Variants in CFH observed in about 807,000 individuals in gnomAD.
CFH encodes complement factor H.
CFH carries 53 observed loss-of-function variants against 147.3 expected under a neutral mutation model. The ratio of observed to expected loss-of-function variants is 0.36; its 90% CI spans 0.29 to 0.45. CFH has a LOEUF of 0.45. CFH is among the 20% of genes least tolerant of loss of function. CFH has a pLI of 1.00. For synonymous variants in CFH, 536 were observed against 489.4 expected, an observed-to-expected ratio of 1.10 and a Z score of -1.26; for missense variants, 1,380 against 1,498.0, an observed-to-expected ratio of 0.92 and a Z score of 1.30.
At chr1:196,676,184 C>T (rs1185930154) in intron 4 of CFH, 119 bp downstream of exon 4, 4 of 619,856 alleles carry the variant, frequency 6.5e-6, no homozygotes, top group Non-Finnish European at 7.7e-6. Context: ...TTTTTTTTCT[C>T]ATACAATGTA....
chr1:196,673,370 C>G (rs991127889), intron 2 of CFH: 1 of 560,930 alleles, frequency 1.8e-6, no homozygotes, highest in Non-Finnish European at 3.1e-6. Flanking sequence ...TGGAGTCTCC[C>G]TCTATCGCCT....
intron 4 of CFH, among the ~76,000 whole-genome samples, chr1:196,676,337 A>C (rs1667451946): frequency 6.6e-6 from 1 of 152,092 alleles, no homozygotes; most frequent in African/African-American, 2.4e-5. Context: ...GATTCTAATG[A>C]CTAGAAACGC....
chr1:196,701,228 C>T (rs1236031487), intron 9 of CFH: 8 of 1,576,034 alleles, frequency 5.1e-6, no homozygotes, highest in Non-Finnish European at 7.0e-6. Flanking sequence ...CTTGTTTGGT[C>T]AGTCACATTC....
In CFH at chr1:196,692,746, T is replaced by TTTC. The variant is rs1668086925; in HGVS notation, c.1336+2509_1336+2510insCTT. On this transcript the variant is annotated intron_variant, in intron 9 of 21. Coordinates refer to ENST00000367429, the MANE Select transcript of CFH (RefSeq NM_000186.4). ...TTTCTTTCTCTTTCCCTTCCTTTCT[T>TTTC]TTTCTTTCTTTCTTTCTTTCTTTCT... is the stretch of plus-strand genomic sequence containing the variant. Among the ~76,000 whole-genome samples, 7 of 41,750 alleles carry TTTC rather than the reference T, an allele frequency of 1.7e-4. No individual in the cohort carries two copies. The Admixed American group carries it at 2.2e-3, about 13-fold the overall frequency. The allele number at this position is 41,750 out of a possible 152,430, so 27.4% of individuals were successfully genotyped here.
At chr1:196,666,210 T>C (rs1191735675) in intron 1 of CFH, among the ~76,000 whole-genome samples, 4 of 152,204 alleles carry the variant, frequency 2.6e-5, no homozygotes, top group South Asian at 2.1e-4. Flanking sequence ...AATACTTTAG[T>C]TGTCACCTTG....
At chr1:196,661,189 T>G (rs1232103884) in intron 1 of CFH, among the ~76,000 whole-genome samples, 1 of 152,206 alleles carries the variant, frequency 6.6e-6, no homozygotes, top group African/African-American at 2.4e-5. Flanking sequence ...ACATATTATA[T>G]GAGTTCACTA....
At chr1:196,662,621 C>T (rs960162481) in intron 1 of CFH, among the ~76,000 whole-genome samples, 1 of 152,128 alleles carries the variant, frequency 6.6e-6, no homozygotes, top group Non-Finnish European at 1.5e-5. Context: ...GTGGCTCACT[C>T]CTGCAATCCC....
rs752196244 is a variant in CFH at position 196,725,179 on chromosome 1, C to T, written c.1755C>T (p.Asp585=). 1 of 1,613,706 alleles carries T rather than the reference C, an allele frequency of 6.2e-7. No homozygotes were observed. The highest frequency in any genetic ancestry group is 8.5e-7 in the Non-Finnish European group (1 of 1,179,798). The part of the protein sequence containing the change: ...DVHLVPDRKK[D]QYKVGEVLKF... ...ACTTAGTTCCTGATCGCAAGAAAGA[C>T]CAGTATAAAGTTGGAGAGGTGTTGA... is the stretch of plus-strand genomic sequence containing the variant. The change falls in exon 12 of 22, where the codon GAC becomes GAT. Residue 585 remains aspartate, a synonymous_variant. Transcript: ENST00000367429.
At chr1:196,681,668 A>G (rs2149083271) in intron 6 of CFH, among the ~76,000 whole-genome samples, 1 of 151,972 alleles carries the variant, frequency 6.6e-6, no homozygotes, top group East Asian at 1.9e-4. Flanking sequence ...CCTTTTCAGA[A>G]GACAGTTCAC....
chr1:196,734,552 T>C (rs1482503067), intron 15 of CFH, among the ~76,000 whole-genome samples: 6 of 152,054 alleles, frequency 3.9e-5, no homozygotes, highest in Admixed American at 3.9e-4. Flanking sequence ...AGTCAAAATA[T>C]ATTGGTCTCT....
At chr1:196,703,816 C>T (rs71631862) in intron 9 of CFH, among the ~76,000 whole-genome samples, 1 of 151,596 alleles carries the variant, frequency 6.6e-6, no homozygotes, top group Non-Finnish European at 1.5e-5. Context: ...AACCCCGTCT[C>T]TGCTAAAAAT....
intron 9 of CFH, among the ~76,000 whole-genome samples, chr1:196,703,029 T>C (rs1668500113): frequency 6.6e-6 from 1 of 152,242 alleles, no homozygotes; most frequent in Non-Finnish European, 1.5e-5. Context: ...CAGAGAAAGT[T>C]ACAAAACGTA....
chr1:196,746,138 T>A, intron 21 of CFH, 139 bp downstream of exon 21: 1 of 1,514,114 alleles, frequency 6.6e-7, no homozygotes, highest in Non-Finnish European at 9.1e-7. Flanking sequence ...TGTCAGAAAG[T>A]AAAGTTTAGA....
At chr1:196,654,082 A>T in intron 1 of CFH, among the ~76,000 whole-genome samples, 1 of 152,244 alleles carries the variant, frequency 6.6e-6, no homozygotes, top group East Asian at 1.9e-4. Context: ...TTTACTTAAC[A>T]GAGTAGCTTT....
chr1:196,744,406 A>G lies in CFH; in HGVS notation c.3310+778A>G, dbSNP rs192326047. ...CTCTGGGTTTCAGTCCTATTTCCCT[A>G]TTCCTCCATTCCCTGTAGGGAAATT... On this transcript the variant is annotated intron_variant, in intron 20 of 21. Transcript: ENST00000367429. Among the ~76,000 whole-genome samples the G allele has an allele frequency of 4.0e-4, 61 of 152,144 alleles. No homozygotes were observed. In the East Asian group the frequency reaches 0.01, roughly 25 times the overall value.
In CFH at chr1:196,652,092, A is replaced by G. The variant is rs368043607; in HGVS notation, c.-26A>G. ...GACGTTGTGAACAGAGTTAGCTGGT[A>G]AATGTCCTCTTAAAAGATCCAAAAA... On this transcript the variant is annotated 5_prime_UTR_variant, in exon 1 of 22. Transcript: ENST00000367429. The G allele has an allele frequency of 4.0e-5, 61 of 1,539,090 alleles. No homozygotes were observed. The highest frequency in any genetic ancestry group is 5.2e-5 in the Non-Finnish European group (58 of 1,111,866).
intron 1 of CFH, among the ~76,000 whole-genome samples, chr1:196,659,240 T>A (rs1227323045): frequency 6.6e-6 from 1 of 152,226 alleles, no homozygotes; most frequent in Non-Finnish European, 1.5e-5. Flanking sequence ...AACATTCGAT[T>A]GTTAGTCAAT....
chr1:196,698,008 G>A (rs1229238626), intron 9 of CFH, among the ~76,000 whole-genome samples: 3 of 115,520 alleles, frequency 2.6e-5, no homozygotes, highest in East Asian at 2.9e-4. Context: ...CTGTTGTGGG[G>A]TGGGGGGAGG....
At chr1:196,726,415 T>G in intron 12 of CFH, 55 bp from the exon 13 acceptor site, 1 of 1,367,300 alleles carries the variant, frequency 7.3e-7, no homozygotes. Flanking sequence ...TTACTGAATT[T>G]TTATATTGTA....
Sources: gnomAD v4.1 joint callset for allele counts (sites outside exome capture counted in the v4.1 genomes callset) on GRCh38, gnomAD v4.1.1 for gene constraint, MANE v1.5 for transcripts, NCBI Gene and HGNC (gene_info 2026-07-23, HGNC 2026-07-21) for gene names.